Variants in ARHGAP15 observed in about 807,000 individuals in gnomAD.
ARHGAP15 encodes the protein Rho GTPase activating protein 15.
Under a neutral mutation model 63.7 loss-of-function variants are expected in ARHGAP15, and 51 were observed. The observed-to-expected ratio is 0.80, with a 90% CI of 0.64 to 1.01. ARHGAP15 has a LOEUF of 1.01. Ranked by LOEUF, ARHGAP15 falls within the 50% of genes least tolerant of loss-of-function variation. The pLI is 0.00. For synonymous variants in ARHGAP15, 191 were observed against 193.8 expected (o/e 0.99, Z 0.12); for missense variants, 560 against 564.6 (o/e 0.99, Z 0.08).
At chr2:143,467,624 C>G (rs2105176567) in intron 8 of ARHGAP15, among the ~76,000 whole-genome samples, 1 of 152,114 alleles carries the variant, frequency 6.6e-6, no homozygotes, top group South Asian at 2.1e-4. Context: ...CTAGAAATTT[C>G]CCGAAGAATA....
At chr2:143,193,223 A>G (rs1476991494) in intron 2 of ARHGAP15, among the ~76,000 whole-genome samples, 1 of 152,202 alleles carries the variant, frequency 6.6e-6, no homozygotes, top group African/African-American at 2.4e-5. Context: ...ATCTAAACCC[A>G]TCATTGCCTG....
At chr2:143,154,196 T>G (rs949809867) in intron 1 of ARHGAP15, among the ~76,000 whole-genome samples, 2 of 151,580 alleles carry the variant, frequency 1.3e-5, no homozygotes, top group Non-Finnish European at 2.9e-5. Flanking sequence ...TTTATAGGAG[T>G]TTTTTGAGAA....
At chr2:143,605,110 T>A (rs549259213) in intron 11 of ARHGAP15, among the ~76,000 whole-genome samples, 3 of 152,232 alleles carry the variant, frequency 2.0e-5, no homozygotes, top group Non-Finnish European at 4.4e-5. Flanking sequence ...GATTTTACCA[T>A]GTTGGCCAGG....
intron 6 of ARHGAP15, among the ~76,000 whole-genome samples, chr2:143,338,832 T>G (rs947045415): frequency 3.9e-5 from 6 of 152,266 alleles, no homozygotes; most frequent in Non-Finnish European, 8.8e-5. Context: ...ATAGGTTGCT[T>G]ACCCTTTACA....
intron 6 of ARHGAP15, among the ~76,000 whole-genome samples, chr2:143,260,839 G>A (rs781485924): frequency 3.9e-5 from 6 of 152,066 alleles, no homozygotes; most frequent in East Asian, 3.9e-4. Flanking sequence ...AAGATGGCTC[G>A]ATTCCCCATC....
chr2:143,287,533 C>T (rs1183446934), intron 6 of ARHGAP15, among the ~76,000 whole-genome samples: 3 of 151,878 alleles, frequency 2.0e-5, no homozygotes, highest in Non-Finnish European at 4.4e-5. Context: ...AGTCCCAGCG[C>T]GGTACCTCAC....
chr2:143,601,058 TGAACG>T lies in ARHGAP15; in HGVS notation c.1004-23074_1004-23070del, dbSNP rs1347528644. On this transcript the variant is annotated intron_variant, in intron 11 of 13. Transcript: ENST00000295095. ...CTGTCCTAAAGCAATATGGTAGTTC[TGAACG>T]TTTGGCTGAAGAACATGGATGGCGG... Among the ~76,000 whole-genome samples the T allele has an allele frequency of 1.6e-3, 248 of 152,282 alleles. 1 individual carries two copies. The highest frequency in any genetic ancestry group is 5.6e-3 in the African/African-American group (232 of 41,582).
At chr2:143,160,109 A>G (rs1558784007) in intron 2 of ARHGAP15, among the ~76,000 whole-genome samples, 2 of 151,878 alleles carry the variant, frequency 1.3e-5, no homozygotes, top group South Asian at 2.1e-4. Context: ...CTTCCCTGAT[A>G]GAATTTGTTT....
At chr2:143,348,879 T>A (rs1417759434) in intron 6 of ARHGAP15, among the ~76,000 whole-genome samples, 1 of 152,140 alleles carries the variant, frequency 6.6e-6, no homozygotes, top group African/African-American at 2.4e-5. Context: ...ATCTTCCAAA[T>A]AAGGAAATGG....
intron 9 of ARHGAP15, among the ~76,000 whole-genome samples, chr2:143,504,314 T>G (rs1454916707): frequency 6.6e-6 from 1 of 152,182 alleles, no homozygotes; most frequent in Admixed American, 6.5e-5. Context: ...TGGCAAGCCA[T>G]AGGCTGGGCA....
At chr2:143,491,596 C>G (rs1412630867) in intron 9 of ARHGAP15, among the ~76,000 whole-genome samples, 1 of 152,074 alleles carries the variant, frequency 6.6e-6, no homozygotes, top group Admixed American at 6.5e-5. Flanking sequence ...AATAGCACAC[C>G]TCAGGGATTT....
intron 6 of ARHGAP15, among the ~76,000 whole-genome samples, chr2:143,343,815 A>AC (rs1328539446): frequency 1.4e-4 from 22 of 152,222 alleles, no homozygotes; most frequent in African/African-American, 5.1e-4. Context: ...TCCTACCATT[A>AC]CACTAATCTA....
At chr2:143,606,507 C>T (rs573844168) in intron 11 of ARHGAP15, among the ~76,000 whole-genome samples, 5 of 152,250 alleles carry the variant, frequency 3.3e-5, no homozygotes, top group Admixed American at 1.3e-4. Context: ...TTTTAACACC[C>T]CAGTCTGATC....
chr2:143,153,139 G>T lies in ARHGAP15; in HGVS notation c.-14-2338G>T, dbSNP rs543790735. ...TGAAATTTGTCCAGCTTCTGAGGAAGCAACATGTCCTATAAATGGTGTACG... is the reference window on the plus strand; with the variant it reads ...TGAAATTTGTCCAGCTTCTGAGGAATCAACATGTCCTATAAATGGTGTACG... On this transcript the variant is annotated intron_variant, in intron 1 of 13. Transcript: ENST00000295095. Among the ~76,000 whole-genome samples the T allele has an allele frequency of 1.1e-4, 17 of 152,010 alleles. No individual in the cohort carries two copies. In the South Asian group the frequency reaches 3.5e-3, roughly 32 times the overall value.
At chr2:143,285,034 T>C (rs1365958307) in intron 6 of ARHGAP15, among the ~76,000 whole-genome samples, 1 of 152,164 alleles carries the variant, frequency 6.6e-6, no homozygotes, top group Non-Finnish European at 1.5e-5. Context: ...GCCAAAGACA[T>C]ACACCAGTCA....
intron 8 of ARHGAP15, among the ~76,000 whole-genome samples, chr2:143,480,188 A>G (rs879730514): frequency 1.3e-5 from 2 of 152,240 alleles, no homozygotes; most frequent in African/African-American, 2.4e-5. Flanking sequence ...AAGAATTTAC[A>G]TCATAGACAA....
At chr2:143,563,413 T>C (rs563198648) in intron 11 of ARHGAP15, among the ~76,000 whole-genome samples, 1 of 152,358 alleles carries the variant, frequency 6.6e-6, no homozygotes, top group African/African-American at 2.4e-5. Flanking sequence ...AACTCTTTAC[T>C]ATCCAGTGTT....
chr2:143,250,578 C>G lies in ARHGAP15; in HGVS notation c.452C>G (p.Ser151Trp). Residue 151 changes from serine to tryptophan, a missense_variant, in exon 6 of 14, where the codon TCG becomes TGG. Coordinates refer to ENST00000295095, the MANE Select transcript of ARHGAP15 (RefSeq NM_018460.4). ...CACATTGAATGGGCCAAGGAAAAATCGAGCAGAAAGAATGTCTTTCAGGTA... is the reference window on the plus strand; with the variant it reads ...CACATTGAATGGGCCAAGGAAAAATGGAGCAGAAAGAATGTCTTTCAGGTA... ...GAHIEWAKEK[S>W]SRKNVFQITT... 2 of 1,613,122 alleles carry G rather than the reference C, an allele frequency of 1.2e-6. No individual in the cohort carries two copies. Among genetic ancestry groups the G allele is most frequent in the Non-Finnish European group, 1.7e-6 (2 of 1,179,300 alleles).
At chr2:143,181,652 A>G (rs1002029081) in intron 2 of ARHGAP15, among the ~76,000 whole-genome samples, 1 of 152,204 alleles carries the variant, frequency 6.6e-6, no homozygotes, top group African/African-American at 2.4e-5. Flanking sequence ...CACCTCTCTC[A>G]GCCTTCAAGG....
Sources: gnomAD v4.1 joint callset for allele counts (sites outside exome capture counted in the v4.1 genomes callset) on GRCh38, gnomAD v4.1.1 for gene constraint, MANE v1.5 for transcripts, NCBI Gene and HGNC (gene_info 2026-07-23, HGNC 2026-07-21) for gene names.